The following EBF4 variants were observed in gnomAD, a reference collection of about 807,000 sequenced individuals.
The protein encoded by EBF4 is EBF transcription factor 4, also known as transcription factor COE4.
Under a neutral mutation model 67.1 loss-of-function variants are expected in EBF4, and 34 were observed. The ratio of observed to expected loss-of-function variants is 0.51; its 90% CI spans 0.39 to 0.67. The LOEUF is 0.67. Among genes scored for constraint, EBF4 ranks in the 30% least tolerant of loss-of-function variants. The pLI, the probability that EBF4 is intolerant of heterozygous loss-of-function variation, is 0.00. For missense variants in EBF4, 837 were observed against 873.3 expected (o/e 0.96, Z 0.52); for synonymous variants, 387 against 377.7 (o/e 1.02, Z -0.29).
chr20:2,749,573 C>T, intron 8 of EBF4, 47 bp from the exon 9 acceptor site: 1 of 1,543,818 alleles, frequency 6.5e-7, no homozygotes, highest in Non-Finnish European at 8.7e-7. Context: ...CCCCCCAGGC[C>T]CCACCTCAGC....
chr20:2,759,607 G>A (rs2088296030), downstream of EBF4: 1 of 153,480 alleles, frequency 6.5e-6, no homozygotes, highest in South Asian at 2.1e-4. Flanking sequence ...GTTGTTGAGT[G>A]AGGGGAGCGT....
intron 6 of EBF4, among the ~76,000 whole-genome samples, chr20:2,709,913 G>C (rs1406490147): frequency 1.3e-5 from 2 of 152,028 alleles, no homozygotes; most frequent in African/African-American, 2.4e-5. Context: ...GGTTGAGAGG[G>C]GGGTGGGAAG....
At chr20:2,749,959 G>A in exon 10 of EBF4, 1 of 1,550,848 alleles carries the variant, frequency 6.4e-7, no homozygotes, top group African/African-American at 1.4e-5. Flanking sequence ...TGCCCCGGCC[G>A]CTTTGTCTAC....
chr20:2,709,991 C>A (rs1007197176), intron 6 of EBF4, among the ~76,000 whole-genome samples: 1 of 152,170 alleles, frequency 6.6e-6, no homozygotes, highest in Non-Finnish European at 1.5e-5. Flanking sequence ...TCAGCAAAAA[C>A]CAGGCTCAGG....
rs1265386634 is a variant in EBF4 at position 2,749,971 on chromosome 20, C to G, written c.1016C>G (p.Thr339Arg). Residue 339 changes from threonine to arginine, a missense_variant and splice_region_variant, in exon 10 of 17, where the codon ACA becomes AGA. Transcript: ENST00000609451. ...GGATGCCCCGGCCGCTTTGTCTACA[C>G]AGGTAAGGAGTCGGGCGGGGGAGTG... The G allele has an allele frequency of 3.2e-6, 5 of 1,549,660 alleles. No individual in the cohort carries two copies. The highest frequency in any genetic ancestry group is 4.4e-6 in the Non-Finnish European group (5 of 1,145,976).
In EBF4 at chr20:2,693,923, T is replaced by A; in HGVS notation, c.137+141T>A. Reference sequence around the variant, plus strand: ...CCGGCGAGCTCCCCGGCCCACCCCGTCCGGAGTGCCTGTGCTGCCTCCTGA... The same window carrying A: ...CCGGCGAGCTCCCCGGCCCACCCCGACCGGAGTGCCTGTGCTGCCTCCTGA... On this transcript the variant is annotated intron_variant, in intron 1 of 16. Transcript: ENST00000609451. This position sits in a 1 kb window ranked among gnomAD's most constrained non-coding sequence, Gnocchi z 4.6. 3 of 1,126,580 alleles carry A rather than the reference T, an allele frequency of 2.7e-6. No homozygotes were observed. The highest frequency in any genetic ancestry group is 3.4e-6 in the Non-Finnish European group (3 of 890,522). 69.8% of individuals were successfully genotyped at this position (1,126,580 alleles called of 1,614,324 possible).
intron 6 of EBF4, among the ~76,000 whole-genome samples, chr20:2,722,388 A>G (rs543000781): frequency 1.3e-5 from 2 of 151,936 alleles, no homozygotes; most frequent in Non-Finnish European, 2.9e-5. Context: ...GCACCAAGTC[A>G]TGCTTCCTTT....
chr20:2,738,822 A>G (rs555801074), intron 6 of EBF4, among the ~76,000 whole-genome samples: 2 of 152,338 alleles, frequency 1.3e-5, no homozygotes, highest in African/African-American at 4.8e-5. Flanking sequence ...GATTATGCTA[A>G]TTGTGCATGC....
chr20:2,750,383 C>T (rs535841845), intron 10 of EBF4, among the ~76,000 whole-genome samples: 69 of 152,208 alleles, frequency 4.5e-4, no homozygotes, highest in Non-Finnish European at 5.6e-4. Context: ...CTCTTGGTTC[C>T]CCCACGCTAC....
intron 1 of EBF4, among the ~76,000 whole-genome samples, chr20:2,698,883 G>A (rs907565048): frequency 6.6e-6 from 1 of 152,108 alleles, no homozygotes; most frequent in African/African-American, 2.4e-5. Flanking sequence ...AAGGCAAGAC[G>A]CCTGGGGGTG....
chr20:2,725,099 C>G (rs1158581151), intron 6 of EBF4, among the ~76,000 whole-genome samples: 1 of 152,082 alleles, frequency 6.6e-6, no homozygotes, highest in Non-Finnish European at 1.5e-5. Context: ...ACATCTTTTA[C>G]CACGTCTGCA....
At chr20:2,738,116 C>T (rs528039778) in intron 6 of EBF4, among the ~76,000 whole-genome samples, 69 of 152,264 alleles carry the variant, frequency 4.5e-4, no homozygotes, top group African/African-American at 1.6e-3. Context: ...TGTCTGTTCT[C>T]TCTGCCCTGG....
chr20:2,741,256 G>T lies in EBF4; in HGVS notation c.558-7293G>T, dbSNP rs1356631164. On this transcript the variant is annotated intron_variant, in intron 6 of 16. Transcript: ENST00000609451. ...AAGCCTGGGAGGTCAAGGCTGCAGTGAGCCAAGATCACACCACTGCACTCC... is the reference window on the plus strand; with the variant it reads ...AAGCCTGGGAGGTCAAGGCTGCAGTTAGCCAAGATCACACCACTGCACTCC... Among the ~76,000 whole-genome samples the T allele has an allele frequency of 2.0e-5, 3 of 152,020 alleles. No homozygotes were observed. In the South Asian group the frequency reaches 6.2e-4, roughly 32 times the overall value.
intron 1 of EBF4, among the ~76,000 whole-genome samples, chr20:2,704,789 T>A (rs546823506): frequency 6.6e-6 from 1 of 152,366 alleles, no homozygotes; most frequent in South Asian, 2.1e-4. Flanking sequence ...CTAGCCCCAG[T>A]TGTTGCCATG....
intron 6 of EBF4, among the ~76,000 whole-genome samples, chr20:2,716,788 A>G (rs1331586189): frequency 6.6e-6 from 1 of 152,140 alleles, no homozygotes; most frequent in Admixed American, 6.6e-5. Flanking sequence ...GTTTTCTGCT[A>G]TTTGTGGGTC....
chr20:2,706,105 C>G, intron 3 of EBF4, 68 bp downstream of exon 3: 1 of 1,547,438 alleles, frequency 6.5e-7, no homozygotes, highest in Admixed American at 2.0e-5. Flanking sequence ...TCATGCGACA[C>G]CTAATGCCCC....
intron 16 of EBF4, 78 bp from the exon 17 acceptor site, chr20:2,759,190 T>G: frequency 3.4e-6 from 2 of 583,226 alleles, no homozygotes; most frequent in South Asian, 4.4e-5. Flanking sequence ...GCTGACCAGG[T>G]AGAGAGAAGT....
intron 8 of EBF4, 50 bp downstream of exon 8, chr20:2,749,568 C>A (rs1448505513): frequency 2.6e-6 from 4 of 1,542,104 alleles, no homozygotes; most frequent in Non-Finnish European, 3.5e-6. Flanking sequence ...GCCAGCCCCC[C>A]AGGCCCCACC....
Position 2,751,583 on chromosome 20 carries a change from G to A in EBF4, c.1019-117G>A. 3.9e-6 allele frequency: 4 copies of A among 1,029,554 alleles called. No individual in the cohort carries two copies. The Admixed American group carries it at 9.0e-5, about 23-fold the overall frequency. 63.8% of individuals were successfully genotyped at this position (1,029,554 alleles called of 1,614,324 possible). On this transcript the variant is annotated intron_variant, in intron 10 of 16. Transcript: ENST00000609451. The surrounding 1 kb of genome is among the most constrained non-coding windows in gnomAD (Gnocchi z 5.2). ...GGGGACTTGGGCTGGGCCTGGTGGA[G>A]GGGGCTGCAGCGAGGCTCTCGGACT...
Sources: gnomAD v4.1 joint callset for allele counts (sites outside exome capture counted in the v4.1 genomes callset) on GRCh38, gnomAD v4.1.1 for gene constraint, Gnocchi (gnomAD v3.1) non-coding constraint, MANE v1.5 for transcripts, NCBI Gene and HGNC (gene_info 2026-07-23, HGNC 2026-07-21) for gene names.